AHI1: variants seen among roughly 807,000 people sequenced by gnomAD.
AHI1 encodes the protein Abelson helper integration site 1, also known as jouberin.
AHI1 carries 123 observed loss-of-function variants against 149.3 expected under a neutral mutation model. That is an observed-to-expected ratio of 0.82 (90% CI 0.71 to 0.96). The LOEUF (loss-of-function observed/expected upper bound fraction) is 0.96, where lower values mean the gene tolerates loss of function less well. Ranked by LOEUF, AHI1 falls within the 40% of genes least tolerant of loss-of-function variation. AHI1 has a pLI of 0.00. For missense variants in AHI1, 1,439 were observed against 1,422.7 expected (o/e 1.01, Z -0.18); for synonymous variants, 475 against 459.8 (o/e 1.03, Z -0.42).
intron 9 of AHI1, among the ~76,000 whole-genome samples, chr6:135,456,822 T>C (rs893867307): frequency 6.6e-6 from 1 of 152,190 alleles, no homozygotes; most frequent in African/African-American, 2.4e-5. Flanking sequence ...CAAGATTCAT[T>C]TACCTTACCT....
chr6:135,394,650 A>C (rs764254109), intron 23 of AHI1, 126 bp downstream of exon 23: 14 of 1,305,114 alleles, frequency 1.1e-5, no homozygotes, highest in Non-Finnish European at 1.4e-5. Flanking sequence ...GAGATGCTAG[A>C]ATATAATTTG....
At chr6:135,389,692 C>T (rs560914494) in intron 23 of AHI1, among the ~76,000 whole-genome samples, 8 of 152,168 alleles carry the variant, frequency 5.3e-5, no homozygotes, top group Admixed American at 2.6e-4. Context: ...TTGTTTGACT[C>T]GACTTATCGA....
chr6:135,484,757 CA>C (rs553118640), intron 5 of AHI1, among the ~76,000 whole-genome samples: 157 of 133,550 alleles, frequency 1.2e-3, no homozygotes, highest in Admixed American at 1.7e-3. Flanking sequence ...GGTTTTTGAC[CA>C]AAAAAAAAAA....
chr6:135,429,991 CT>C lies in AHI1; in HGVS notation c.2382del (p.Glu795LysfsTer9). On this transcript the variant is annotated frameshift_variant, in exon 18 of 29. Transcript: ENST00000265602. LOFTEE classifies it high-confidence loss of function. ...VHHWTINKEI[K>X]ETEFKGIPIS... ...ATTGGAATTCCCTTAAACTCAGTTT[CT>C]TTAATTTCCTAAAATGATTAAAAAA... 6.5e-7 allele frequency: 1 copy of C among 1,526,750 alleles called. No individual in the cohort carries two copies. The highest frequency in any genetic ancestry group is 8.9e-7 in the Non-Finnish European group (1 of 1,123,458). 94.6% of individuals were successfully genotyped at this position (1,526,750 alleles called of 1,614,324 possible).
At chr6:135,421,932 T>C (rs1224473235) in intron 20 of AHI1, among the ~76,000 whole-genome samples, 1 of 152,194 alleles carries the variant, frequency 6.6e-6, no homozygotes, top group East Asian at 1.9e-4. Context: ...ATTAGGTATA[T>C]TTTAATGACA....
chr6:135,370,857 G>C (rs896487935), intron 23 of AHI1, among the ~76,000 whole-genome samples: 21 of 151,400 alleles, frequency 1.4e-4, no homozygotes, highest in Admixed American at 6.6e-5. Flanking sequence ...TTTCTTGCCT[G>C]TTGATCTTGA....
In AHI1 at chr6:135,433,210, G is replaced by A; in HGVS notation, c.2083C>T (p.Pro695Ser). ...INNTNTFRVL[P>S]HPSFVYTAKF... Reference sequence around the variant, plus strand: ...GCCGTGTAAACAAAAGAAGGATGAGGTAAAACTCTGAAAGTATTTGTATTG... The same window carrying A: ...GCCGTGTAAACAAAAGAAGGATGAGATAAAACTCTGAAAGTATTTGTATTG... The change falls in exon 16 of 29, where the codon CCT (proline) becomes TCT (serine). Residue 695 changes from proline to serine, a missense_variant. Pro to Ser is a moderately conservative substitution (Grantham distance 74). Coordinates refer to ENST00000265602, the MANE Select transcript of AHI1 (RefSeq NM_001134831.2). 1 of 1,612,016 alleles carries A rather than the reference G, an allele frequency of 6.2e-7. No individual in the cohort carries two copies. Among genetic ancestry groups the A allele is most frequent in the Non-Finnish European group, 8.5e-7 (1 of 1,178,242 alleles).
chr6:135,463,321 C>T lies in AHI1; in HGVS notation c.750-15G>A. 1 of 1,575,612 alleles carries T rather than the reference C, an allele frequency of 6.3e-7. No homozygotes were observed. Among genetic ancestry groups the T allele is most frequent in the Non-Finnish European group, 8.6e-7 (1 of 1,161,972 alleles). On this transcript the variant is annotated splice_polypyrimidine_tract_variant and intron_variant, in intron 7 of 28. Transcript: ENST00000265602. ...TGGTCAATGTACTACAAATATAATC[C>T]AAGTATCAGCCATTACAGATATATT...
At chr6:135,315,408 T>C (rs551242915) in intron 26 of AHI1, among the ~76,000 whole-genome samples, 1 of 152,260 alleles carries the variant, frequency 6.6e-6, no homozygotes, top group African/African-American at 2.4e-5. Flanking sequence ...GCTGTAACCT[T>C]GTAGAGGAGA....
At chr6:135,357,400 G>A (rs1793157592) in intron 24 of AHI1, among the ~76,000 whole-genome samples, 1 of 152,344 alleles carries the variant, frequency 6.6e-6, no homozygotes, top group East Asian at 1.9e-4. Flanking sequence ...GATGCAGGAA[G>A]TGTAACACAA....
chr6:135,344,138 A>T (rs1387241289), intron 24 of AHI1, among the ~76,000 whole-genome samples: 1 of 151,994 alleles, frequency 6.6e-6, no homozygotes, highest in Non-Finnish European at 1.5e-5. Flanking sequence ...CCAGATTTAT[A>T]ATACCTAATA....
intron 6 of AHI1, among the ~76,000 whole-genome samples, chr6:135,467,135 GGGCAGTATGCTTCAGGTA>G (rs1335716822): frequency 6.6e-6 from 1 of 152,114 alleles, no homozygotes; most frequent in Non-Finnish European, 1.5e-5. Flanking sequence ...AAGAGAGAAA[GGGCAGTATGCTTCAGGTA>G]GGTATAATTC....
intron 23 of AHI1, among the ~76,000 whole-genome samples, chr6:135,370,108 C>T (rs1358047425): frequency 1.3e-5 from 2 of 152,112 alleles, no homozygotes; most frequent in South Asian, 2.1e-4. Flanking sequence ...GTTAGAACTG[C>T]CAGACATGTA....
intron 5 of AHI1, among the ~76,000 whole-genome samples, chr6:135,477,133 C>A: frequency 6.6e-6 from 1 of 150,740 alleles, no homozygotes; most frequent in South Asian, 2.1e-4. Context: ...CTCCACCTCC[C>A]GGGTTCATGC....
At chr6:135,400,462 A>C (rs1255466076) in intron 22 of AHI1, among the ~76,000 whole-genome samples, 2 of 141,282 alleles carry the variant, frequency 1.4e-5, no homozygotes, top group East Asian at 2.1e-4. Flanking sequence ...GTAATACTTC[A>C]AAAAAAAAAA....
At chr6:135,471,720 A>G (rs1271059717) in intron 5 of AHI1, among the ~76,000 whole-genome samples, 1 of 152,160 alleles carries the variant, frequency 6.6e-6, no homozygotes, top group Non-Finnish European at 1.5e-5. Flanking sequence ...ATTAAGATAT[A>G]GCTTACATCA....
rs982280638 is a variant in AHI1 at position 135,462,405 on chromosome 6, C to T, written c.931+720G>A. 3.9e-5 allele frequency among the ~76,000 whole-genome samples: 6 copies of T among 151,986 alleles called. 1 individual carries two copies. Among genetic ancestry groups the T allele is most frequent in the African/African-American group, 9.7e-5 (4 of 41,310 alleles). On this transcript the variant is annotated intron_variant, in intron 8 of 28. Transcript: ENST00000265602. ...AAGGAAAGAAGTGGTATTAGGCTGA[C>T]GAATTGGGAGGATACCATGTTGGAC...
At chr6:135,461,283 A>C (rs1034465487) in intron 8 of AHI1, among the ~76,000 whole-genome samples, 2 of 152,082 alleles carry the variant, frequency 1.3e-5, no homozygotes, top group Non-Finnish European at 2.9e-5. Context: ...ACAAATGTCA[A>C]AATCTAAGTA....
chr6:135,353,825 T>C (rs866880833), intron 24 of AHI1, among the ~76,000 whole-genome samples: 11 of 152,258 alleles, frequency 7.2e-5, no homozygotes, highest in Non-Finnish European at 1.6e-4. Context: ...TATTAAAGTT[T>C]ACTACTGATG....
Sources: allele counts gnomAD v4.1 joint callset (sites outside exome capture counted in the v4.1 genomes callset), GRCh38; gene constraint gnomAD v4.1.1; transcripts MANE v1.5; gene names NCBI Gene and HGNC (gene_info 2026-07-23, HGNC 2026-07-21).